Variants in PLEKHG2 observed in about 807,000 individuals in gnomAD.
PLEKHG2 encodes the protein pleckstrin homology and RhoGEF domain containing G2.
In PLEKHG2, 71 loss-of-function variants were observed where a neutral mutation model predicts 104.4. The ratio of observed to expected loss-of-function variants is 0.68; its 90% CI spans 0.56 to 0.83. The LOEUF is 0.83. PLEKHG2 is among the 40% of genes least tolerant of loss of function. The pLI is 0.00. For synonymous variants in PLEKHG2, 728 were observed against 737.0 expected (o/e 0.99, Z 0.20); for missense variants, 1,730 against 1,809.4 (o/e 0.96, Z 0.80).
Position 39,415,187 on chromosome 19 carries a change from G to C in PLEKHG2, c.305G>C (p.Arg102Thr). Residue 102 changes from arginine to threonine, a missense_variant, in exon 3 of 19, where the codon AGG (arginine) becomes ACG (threonine). Coordinates refer to ENST00000425673, the MANE Select transcript of PLEKHG2 (RefSeq NM_022835.3). The surrounding 1 kb of genome is among the most constrained non-coding windows in gnomAD (Gnocchi z 4.6). ...ATCCCAGGTTCAGCCAGACCCTCAA[G>C]GCTGGAGCGTGTGGCCCGGGAGATC... ...VGIPGSARPS[R>T]LERVAREIVE... 2 of 1,591,368 alleles carry C rather than the reference G, an allele frequency of 1.3e-6. No individual in the cohort carries two copies. Among genetic ancestry groups the C allele is most frequent in the Non-Finnish European group, 1.7e-6 (2 of 1,168,160 alleles).
At position 39,416,439 on chromosome 19, in the gene PLEKHG2, C is replaced by T. The variant is rs200058621; in HGVS notation, c.546+25C>T. On this transcript the variant is annotated intron_variant, in intron 5 of 18. Coordinates refer to ENST00000425673, the MANE Select transcript of PLEKHG2 (RefSeq NM_022835.3). This position sits in a 1 kb window ranked among gnomAD's most constrained non-coding sequence, Gnocchi z 4.5. Reference sequence around the variant, plus strand: ...GGTGAGTGGAGGGGTGGGGGGCTCTCGGTCCTGGATGGGGCCTTTGTAGAG... The same window carrying T: ...GGTGAGTGGAGGGGTGGGGGGCTCTTGGTCCTGGATGGGGCCTTTGTAGAG... 4.0e-5 allele frequency: 65 copies of T among 1,608,814 alleles called. No individual in the cohort carries two copies. Among genetic ancestry groups the T allele is most frequent in the African/African-American group, 1.2e-4 (9 of 73,414 alleles).
Position 39,413,814 on chromosome 19 carries a change from A to G in PLEKHG2, c.-22-251A>G, listed in dbSNP as rs569741706. 72 of 252,864 alleles carry G rather than the reference A, an allele frequency of 2.8e-4. 1 individual carries two copies. Among genetic ancestry groups the G allele is most frequent in the African/African-American group, 1.5e-3 (67 of 44,634 alleles). The allele number at this position is 252,864 out of a possible 1,614,324, so 15.7% of individuals were successfully genotyped here. ...AGGATCCCTAAGCCTCCGGCCCCAG[A>G]CAAACGGGACTCGCAGCTTCTGCGC... On this transcript the variant is annotated intron_variant, in intron 1 of 18. Coordinates refer to ENST00000425673, the MANE Select transcript of PLEKHG2 (RefSeq NM_022835.3). This position sits in a 1 kb window ranked among gnomAD's most constrained non-coding sequence, Gnocchi z 4.5.
rs376785018 is a variant in PLEKHG2, at chr19:39,423,043, C to T, written c.1989C>T (p.Ser663=). ...GSRLPSLSDI[S]DVFEMPCLPA... is the part of the protein sequence containing the mutation. ...GCCTTCCTAGTCTCTCTGACATTTCCGATGTTTTTGAGATGCCCTGCCTTC... is the reference window on the plus strand; with the variant it reads ...GCCTTCCTAGTCTCTCTGACATTTCTGATGTTTTTGAGATGCCCTGCCTTC... The change falls in exon 18 of 19, where the codon TCC becomes TCT. Residue 663 remains serine, a synonymous_variant. Coordinates refer to ENST00000425673, the MANE Select transcript of PLEKHG2 (RefSeq NM_022835.3). 35 of 1,614,044 alleles carry T rather than the reference C, an allele frequency of 2.2e-5. No homozygotes were observed. The highest frequency in any genetic ancestry group is 2.0e-4 in the African/African-American group (15 of 74,916).
chr19:39,424,103 G>C lies in PLEKHG2; in HGVS notation c.2970G>C (p.Glu990Asp). 1 of 1,614,004 alleles carries C rather than the reference G, an allele frequency of 6.2e-7. No individual in the cohort carries two copies. Among genetic ancestry groups the C allele is most frequent in the South Asian group, 1.1e-5 (1 of 91,064 alleles). The change falls in exon 19 of 19, where the codon GAG (glutamate) becomes GAC (aspartate). Residue 990 changes from glutamate (E) to aspartate (D), a missense_variant. Coordinates refer to ENST00000425673, the MANE Select transcript of PLEKHG2 (RefSeq NM_022835.3). ...TTCCAGCCACCACTCCTTTGCCTGAGCATAGAAGTCACATGGTTATACCAG... is the reference window on the plus strand; with the variant it reads ...TTCCAGCCACCACTCCTTTGCCTGACCATAGAAGTCACATGGTTATACCAG... Reference protein sequence around the residue: ...IQVPATTPLPEHRSHMVIPAP... With the variant: ...IQVPATTPLPDHRSHMVIPAP...
chr19:39,420,098 G>A (rs946710843), intron 11 of PLEKHG2, among the ~76,000 whole-genome samples: 50 of 151,750 alleles, frequency 3.3e-4, no homozygotes, highest in Non-Finnish European at 5.7e-4. Context: ...GGTGGTTCAC[G>A]CCTGTAATCC....
rs752470085 is a variant in PLEKHG2, at chr19:39,416,858, C to A, written c.602C>A (p.Ala201Asp). ...LYCMNYPSSL[A>D]LLRELSLSPP... ...CTGTGCTGTGCCCCCAGCTCCCTGG[C>A]CCTGCTCCGGGAGCTGTCGTTGTCT... The change falls in exon 7 of 19, where the codon GCC (alanine) becomes GAC (aspartate). Residue 201 changes from alanine (A) to aspartate (D), a missense_variant. Physicochemically the swap from Ala to Asp is moderately radical, Grantham distance 126 (BLOSUM62 -2). Transcript: ENST00000425673. This position sits in a 1 kb window ranked among gnomAD's most constrained non-coding sequence, Gnocchi z 4.5. 1.9e-6 allele frequency: 3 copies of A among 1,605,508 alleles called. No homozygotes were observed. The highest frequency in any genetic ancestry group is 1.7e-6 in the Non-Finnish European group (2 of 1,176,344).
rs947144409 is a variant in PLEKHG2, at chr19:39,416,098, G to T, written c.480-250G>T. 1.1e-4 allele frequency among the ~76,000 whole-genome samples: 17 copies of T among 152,096 alleles called. No individual in the cohort carries two copies. The highest frequency in any genetic ancestry group is 4.1e-4 in the African/African-American group (17 of 41,382). On this transcript the variant is annotated intron_variant, in intron 4 of 18. Coordinates refer to ENST00000425673, the MANE Select transcript of PLEKHG2 (RefSeq NM_022835.3). This position sits in a 1 kb window ranked among gnomAD's most constrained non-coding sequence, Gnocchi z 4.5. ...TTGGGTCATGATATAACACCCCTAG[G>T]CTCATGCCAGCACTGACACAAGTTC...
Position 39,420,769 on chromosome 19 carries a change from C to A in PLEKHG2, c.1316C>A (p.Pro439His). The A allele has an allele frequency of 6.2e-7, 1 of 1,614,186 alleles. No homozygotes were observed. The highest frequency in any genetic ancestry group is 8.5e-7 in the Non-Finnish European group (1 of 1,180,032). ...NSLHCAPKSK[P>H]VLEPLTPPLG... ...CCCACAGGTGCCCCCAAAAGTAAGC[C>A]TGTCCTAGAGCCCCTGACACCCCCA... Residue 439 changes from proline (P) to histidine (H), a missense_variant, in exon 13 of 19, where the codon CCT (proline) becomes CAT (histidine). Transcript: ENST00000425673.
In PLEKHG2 at chr19:39,423,867, C is replaced by A; in HGVS notation, c.2734C>A (p.Pro912Thr). 6.2e-7 allele frequency: 1 copy of A among 1,614,176 alleles called. No individual in the cohort carries two copies. Among genetic ancestry groups the A allele is most frequent in the South Asian group, 1.1e-5 (1 of 91,086 alleles). Residue 912 changes from proline (P) to threonine (T), a missense_variant, in exon 19 of 19, where the codon CCG (proline) becomes ACG (threonine). By Grantham distance (38) the Pro-to-Thr change is conservative. Transcript: ENST00000425673. ...ACCTTTGTCAAAGCAGGGAGGCAGC[C>A]CGGATGGCCAGGGTCTACATGTTTC... is the stretch of plus-strand genomic sequence containing the variant. ...AIPLSKQGGS[P>T]DGQGLHVSNL...
At chr19:39,421,931 C>CA in intron 16 of PLEKHG2, 184 bp from the exon 17 acceptor site, 1 of 483,520 alleles carries the variant, frequency 2.1e-6, no homozygotes, top group Non-Finnish European at 3.4e-6. Context: ...GCAGCAGAAT[C>CA]GCTTGAACCC....
In PLEKHG2 at chr19:39,425,269, C is replaced by T. The variant is rs2078768096; in HGVS notation, c.4136C>T (p.Ala1379Val). The part of the protein sequence containing the change: ...ESMGLHRAQG[A>V]PDAPFHM The stretch of plus-strand genomic sequence containing the variant: ...ATGGGCCTTCACAGGGCCCAGGGGG[C>T]TCCTGATGCCCCCTTCCACATGTGA... Residue 1379 changes from alanine to valine, a missense_variant, in exon 19 of 19, where the codon GCT becomes GTT. Ala to Val is a moderately conservative substitution (Grantham distance 64). Coordinates refer to ENST00000425673, the MANE Select transcript of PLEKHG2 (RefSeq NM_022835.3). 6.2e-7 allele frequency: 1 copy of T among 1,612,218 alleles called. No homozygotes were observed. The highest frequency in any genetic ancestry group is 8.5e-7 in the Non-Finnish European group (1 of 1,179,556).
In PLEKHG2 at chr19:39,417,696, GC is replaced by G. The variant is rs571854709; in HGVS notation, c.882+8del. ...GGAGCATGCAGCGCGCCTCCAGGTG[GC>G]CCCAGGGTGGGCTGGGGCTTGCTGG... On this transcript the variant is annotated splice_donor_5th_base_variant and intron_variant, in intron 8 of 18. Transcript: ENST00000425673. 1,091 of 1,521,724 alleles carry G rather than the reference GC, an allele frequency of 7.2e-4. No individual in the cohort carries two copies. The highest frequency in any genetic ancestry group is 9.1e-4 in the Non-Finnish European group (1,020 of 1,127,032). The allele number at this position is 1,521,724 out of a possible 1,614,324, so 94.3% of individuals were successfully genotyped here. A position where few individuals can be genotyped will look rare whatever the true frequency, so the allele number is the denominator to read the frequency against.
Position 39,418,917 on chromosome 19 carries a change from G to A in PLEKHG2, c.1177G>A (p.Ala393Thr). The change falls in exon 11 of 19, where the codon GCC becomes ACC. Residue 393 changes from alanine (A) to threonine (T), a missense_variant and splice_region_variant. Coordinates refer to ENST00000425673, the MANE Select transcript of PLEKHG2 (RefSeq NM_022835.3). ...TGACTCTACTCCAACCCACTCCTAG[G>A]CCAAGAACCAAGAAGAGAAGAGGCT... The part of the protein sequence containing the change: ...TIPKHRHLLQ[A>T]KNQEEKRLWI... The A allele has an allele frequency of 6.2e-7, 1 of 1,611,182 alleles. No individual in the cohort carries two copies. Among genetic ancestry groups the A allele is most frequent in the Non-Finnish European group, 8.5e-7 (1 of 1,178,624 alleles).
intron 9 of PLEKHG2, 52 bp from the exon 10 acceptor site, chr19:39,418,682 G>T: frequency 1.4e-6 from 2 of 1,442,730 alleles, no homozygotes; most frequent in South Asian, 1.2e-5. Context: ...CGTACAAGGG[G>T]CATCACTGAG....
Position 39,417,885 on chromosome 19 carries a change from A to G in PLEKHG2, c.883-20A>G. 2.0e-6 allele frequency: 3 copies of G among 1,532,040 alleles called. No homozygotes were observed. In the South Asian group the frequency reaches 3.6e-5, roughly 19 times the overall value. 94.9% of individuals were successfully genotyped at this position (1,532,040 alleles called of 1,614,324 possible). A position where few individuals can be genotyped will look rare whatever the true frequency, so the allele number is the denominator to read the frequency against. ...CATGCTTGTCTCTGCGCCCCGGCGC[A>G]CCTGGCGGGGTCCCGGCAGGAAGTG... On this transcript the variant is annotated intron_variant, in intron 8 of 18. Coordinates refer to ENST00000425673, the MANE Select transcript of PLEKHG2 (RefSeq NM_022835.3).
In PLEKHG2 at chr19:39,418,074, G is replaced by A; in HGVS notation, c.1052G>A (p.Gly351Glu). ...ATGCTGCTGGTGGCCAAGCGCAGGG[G>A]GCTGGAGTACACCTACAAAGGCCAC... ...SRMLLVAKRRGLEYTYKGHIF... is the reference protein window; with the variant it reads ...SRMLLVAKRRELEYTYKGHIF... The change falls in exon 9 of 19, where the codon GGG becomes GAG. Residue 351 changes from glycine (G) to glutamate (E), a missense_variant. Physicochemically the swap from Gly to Glu is moderately conservative, Grantham distance 98. Transcript: ENST00000425673. 2 of 1,531,710 alleles carry A rather than the reference G, an allele frequency of 1.3e-6. No individual in the cohort carries two copies. The highest frequency in any genetic ancestry group is 1.3e-5 in the South Asian group (1 of 77,700). 94.9% of individuals were successfully genotyped at this position (1,531,710 alleles called of 1,614,324 possible).
chr19:39,414,773 C>T (rs1315998946), intron 2 of PLEKHG2, among the ~76,000 whole-genome samples: 2 of 152,114 alleles, frequency 1.3e-5, no homozygotes, highest in Non-Finnish European at 2.9e-5. Flanking sequence ...CTAGCTGATT[C>T]ATGGAGGTGG....
rs2078733597 is a variant in PLEKHG2 at position 39,423,525 on chromosome 19, ACAGCGAGCGGATC to A, written c.2476_2488del (p.Glu826ArgfsTer55). 1.3e-6 allele frequency: 2 copies of A among 1,568,396 alleles called. No individual in the cohort carries two copies. Among genetic ancestry groups the A allele is most frequent in the Non-Finnish European group, 1.7e-6 (2 of 1,155,836 alleles). On this transcript the variant is annotated frameshift_variant, in exon 18 of 19. Transcript: ENST00000425673. LOFTEE classifies it high-confidence loss of function. ...CGAGTGCGAGAGCTGGCCCGGCTTTACAGCGAGCGGATCCAGCAGATGCAGCGGGCGGAGACTC... is the reference window on the plus strand; with the variant it reads ...CGAGTGCGAGAGCTGGCCCGGCTTTACAGCAGATGCAGCGGGCGGAGACTC...
chr19:39,416,314 C>T lies in PLEKHG2; in HGVS notation c.480-34C>T, dbSNP rs755126326. ...GCCTCCCATGGAGGGGTCGTGAAGG[C>T]AGGCGGTTCCTCACCCTCCCCTCTC... On this transcript the variant is annotated intron_variant, in intron 4 of 18. Coordinates refer to ENST00000425673, the MANE Select transcript of PLEKHG2 (RefSeq NM_022835.3). This position sits in a 1 kb window ranked among gnomAD's most constrained non-coding sequence, Gnocchi z 4.5. 7.5e-6 allele frequency: 12 copies of T among 1,609,206 alleles called. No homozygotes were observed. The Admixed American group carries it at 1.8e-4, about 25-fold the overall frequency.
Sources: gnomAD v4.1 joint callset for allele counts (sites outside exome capture counted in the v4.1 genomes callset) on GRCh38, gnomAD v4.1.1 for gene constraint, Gnocchi (gnomAD v3.1) non-coding constraint, MANE v1.5 for transcripts, NCBI Gene and HGNC (gene_info 2026-07-23, HGNC 2026-07-21) for gene names.